The following GRIN2A variants were observed in gnomAD, a reference collection of about 807,000 sequenced individuals.
GRIN2A encodes the protein glutamate ionotropic receptor NMDA type subunit 2A.
A neutral mutation model predicts 113.4 loss-of-function variants in GRIN2A; 22 were observed. That is an observed-to-expected ratio of 0.19 (90% CI 0.14 to 0.28). The LOEUF is 0.28. GRIN2A is among the 10% of genes least tolerant of loss of function. The probability of loss-of-function intolerance (pLI) is 1.00; values close to 1 mark genes in which losing one functional copy is unlikely to be tolerated. For missense variants in GRIN2A, 1,502 were observed against 1,887.0 expected (o/e 0.80, Z 3.78); for synonymous variants, 827 against 738.4 (o/e 1.12, Z -1.94).
At chr16:10,092,002 C>T (rs144557098) in intron 2 of GRIN2A, among the ~76,000 whole-genome samples, 85 of 152,242 alleles carry the variant, frequency 5.6e-4, no homozygotes, top group African/African-American at 1.9e-3. Context: ...ACAATGAGTG[C>T]ATTTTATGAT....
At chr16:9,808,800 C>T (rs575720639) in intron 10 of GRIN2A, among the ~76,000 whole-genome samples, 61 of 152,214 alleles carry the variant, frequency 4.0e-4, no homozygotes, top group Non-Finnish European at 7.9e-4. Flanking sequence ...AATACTTCCA[C>T]CCAGAAATTC....
rs531782747 is a variant in GRIN2A, at chr16:9,764,578, T to C, written c.2966A>G (p.Asn989Ser). 44 of 1,613,998 alleles carry C rather than the reference T, an allele frequency of 2.7e-5. No homozygotes were observed. The Middle Eastern group carries it at 1.8e-3, about 67-fold the overall frequency. ...CTCCACCGTGTTAGGGTTGGACTCA[T>C]TGAGAGTAAGAGGATGTTGTCCCTG... The part of the protein sequence containing the change: ...VFQGQHPLTL[N>S]ESNPNTVEVA... The change falls in exon 13 of 13, where the codon AAT becomes AGT. Residue 989 changes from asparagine to serine, a missense_variant. Physicochemically the swap from Asn to Ser is conservative, Grantham distance 46. Around this residue, in one of 7 missense-constraint regions of GRIN2A, gnomAD observed 832 missense variants for 789.7 expected, o/e 1.05. Transcript: ENST00000330684.
chr16:9,874,310 T>C (rs1306580727), intron 4 of GRIN2A, among the ~76,000 whole-genome samples: 1 of 152,248 alleles, frequency 6.6e-6, no homozygotes, highest in Non-Finnish European at 1.5e-5. Context: ...AACAGTTTAC[T>C]GCAGGGGTGG....
intron 2 of GRIN2A, among the ~76,000 whole-genome samples, chr16:9,967,123 T>C (rs2045570108): frequency 6.6e-6 from 1 of 152,186 alleles, no homozygotes; most frequent in Admixed American, 6.5e-5. Context: ...TTGGGGTGAA[T>C]TCTTCCTGCG....
intron 2 of GRIN2A, among the ~76,000 whole-genome samples, chr16:10,016,767 C>G (rs910427313): frequency 3.9e-5 from 6 of 152,204 alleles, no homozygotes; most frequent in Non-Finnish European, 7.3e-5. Flanking sequence ...CTCTGGGCCT[C>G]CCGGCCTGGA....
chr16:10,025,949 G>T (rs2046811580), intron 2 of GRIN2A, among the ~76,000 whole-genome samples: 2 of 152,276 alleles, frequency 1.3e-5, no homozygotes, highest in African/African-American at 4.8e-5. Flanking sequence ...AGGAAGTCAG[G>T]CACAGCGAGC....
At chr16:10,065,080 T>C (rs765942295) in intron 2 of GRIN2A, among the ~76,000 whole-genome samples, 9 of 152,162 alleles carry the variant, frequency 5.9e-5, no homozygotes, top group Non-Finnish European at 1.0e-4. Flanking sequence ...TAACATAGAC[T>C]CTCCACACAG....
intron 2 of GRIN2A, among the ~76,000 whole-genome samples, chr16:10,000,436 C>T (rs924193845): frequency 6.6e-6 from 1 of 152,110 alleles, no homozygotes; most frequent in African/African-American, 2.4e-5. Context: ...AAAACCTATA[C>T]CCTCATTCCT....
intron 2 of GRIN2A, among the ~76,000 whole-genome samples, chr16:10,113,911 T>C (rs552690007): frequency 2.3e-4 from 35 of 152,246 alleles, no homozygotes; most frequent in Non-Finnish European, 2.9e-4. Flanking sequence ...CATCTTAAGA[T>C]TTTTAACCTT....
intron 3 of GRIN2A, among the ~76,000 whole-genome samples, chr16:9,906,376 C>T (rs551578643): frequency 6.6e-6 from 1 of 152,180 alleles, no homozygotes; most frequent in Non-Finnish European, 1.5e-5. Context: ...AGCTTTTGTT[C>T]CTACACCTCC....
chr16:10,011,528 G>T (rs1046468005), intron 2 of GRIN2A, among the ~76,000 whole-genome samples: 1 of 152,148 alleles, frequency 6.6e-6, no homozygotes, highest in Non-Finnish European at 1.5e-5. Flanking sequence ...TCCAACACAG[G>T]AGGAAAAACA....
intron 11 of GRIN2A, among the ~76,000 whole-genome samples, chr16:9,774,412 A>G (rs1430675734): frequency 6.6e-6 from 1 of 152,196 alleles, no homozygotes; most frequent in Non-Finnish European, 1.5e-5. Flanking sequence ...AATACACTCA[A>G]TATCTGAGTC....
intron 2 of GRIN2A, among the ~76,000 whole-genome samples, chr16:10,089,372 A>AT (rs1307726336): frequency 1.3e-5 from 2 of 152,178 alleles, no homozygotes; most frequent in African/African-American, 4.8e-5. Flanking sequence ...AATATGTGCA[A>AT]TTTTTTGTAT....
At chr16:9,940,285 C>T (rs559400467) in intron 2 of GRIN2A, among the ~76,000 whole-genome samples, 1 of 152,190 alleles carries the variant, frequency 6.6e-6, no homozygotes, top group African/African-American at 2.4e-5. Flanking sequence ...TGAAGCATGG[C>T]CTGAAGGCAG....
chr16:9,957,644 G>A (rs1043986297), intron 2 of GRIN2A, among the ~76,000 whole-genome samples: 6 of 152,168 alleles, frequency 3.9e-5, no homozygotes, highest in Admixed American at 6.5e-5. Context: ...TGATGTCATC[G>A]CATCATAATT....
intron 11 of GRIN2A, among the ~76,000 whole-genome samples, chr16:9,790,311 A>C (rs921887238): frequency 2.0e-5 from 3 of 152,190 alleles, no homozygotes; most frequent in African/African-American, 7.2e-5. Flanking sequence ...TTTGTCTAGG[A>C]GGCAGAGAAC....
intron 2 of GRIN2A, among the ~76,000 whole-genome samples, chr16:9,975,967 T>C (rs944736278): frequency 2.6e-5 from 4 of 152,138 alleles, no homozygotes; most frequent in Non-Finnish European, 5.9e-5. Flanking sequence ...ATAATAACCA[T>C]AAATGTGTAT....
At chr16:9,870,620 CTTT>C (rs995136374) in intron 4 of GRIN2A, among the ~76,000 whole-genome samples, 1 of 149,112 alleles carries the variant, frequency 6.7e-6, no homozygotes, top group Non-Finnish European at 1.5e-5. Context: ...CTTCAAGTAA[CTTT>C]TTTTCTTTTT....
intron 4 of GRIN2A, among the ~76,000 whole-genome samples, chr16:9,858,008 C>G (rs1206375756): frequency 6.6e-6 from 1 of 152,144 alleles, no homozygotes; most frequent in Non-Finnish European, 1.5e-5. Flanking sequence ...ATAGCATATT[C>G]ATTTTCCCTT....
Sources: gnomAD v4.1 joint callset for allele counts (sites outside exome capture counted in the v4.1 genomes callset) on GRCh38, gnomAD v4.1.1 for gene constraint, gnomAD v4.1.1 regional missense constraint, MANE v1.5 for transcripts, NCBI Gene and HGNC (gene_info 2026-07-23, HGNC 2026-07-21) for gene names.